Variants in CTNNA1 observed in about 807,000 individuals in gnomAD.
CTNNA1 encodes catenin alpha-1.
In CTNNA1, 37 loss-of-function variants were observed where a neutral mutation model predicts 98.4. That is an observed-to-expected ratio of 0.38 (90% confidence interval 0.29 to 0.49). The LOEUF (loss-of-function observed/expected upper bound fraction) is 0.49, where lower values mean the gene tolerates loss of function less well. CTNNA1 is among the 20% of genes least tolerant of loss of function. CTNNA1 has a pLI of 0.95. For missense variants in CTNNA1, 761 were observed against 1,147.2 expected, an observed-to-expected ratio of 0.66 and a Z score of 4.86; for synonymous variants, 404 against 413.2, an observed-to-expected ratio of 0.98 and a Z score of 0.27.
chr5:138,900,015 C>T (rs1484516512), intron 9 of CTNNA1, among the ~76,000 whole-genome samples: 1 of 152,080 alleles, frequency 6.6e-6, no homozygotes. Context: ...AACACCTTTC[C>T]CTGGAAATTG....
chr5:138,762,496 T>TA (rs397882169), intron 1 of CTNNA1, among the ~76,000 whole-genome samples: 1 of 151,992 alleles, frequency 6.6e-6, no homozygotes, highest in African/African-American at 2.4e-5. Context: ...AGTTTTTTTT[T>TA]ATAACTATCA....
chr5:138,795,424 C>CAA (rs1350824890), intron 3 of CTNNA1, among the ~76,000 whole-genome samples: 51 of 151,892 alleles, frequency 3.4e-4, no homozygotes, highest in African/African-American at 1.2e-3. Context: ...TGCCACGGCA[C>CAA]TCCAGCCTGG....
chr5:138,850,283 C>G (rs1231716937), intron 7 of CTNNA1, among the ~76,000 whole-genome samples: 1 of 148,668 alleles, frequency 6.7e-6, no homozygotes, highest in African/African-American at 2.6e-5. Flanking sequence ...CTGGATGCCT[C>G]TATTTCTATT....
chr5:138,870,150 CA>C (rs1422902413), intron 7 of CTNNA1: 2 of 152,128 alleles, frequency 1.3e-5, no homozygotes, highest in Non-Finnish European at 2.9e-5. Context: ...AAAACCCCAT[CA>C]AAAAACAAAA....
intron 7 of CTNNA1, among the ~76,000 whole-genome samples, chr5:138,848,549 C>T (rs1762926895): frequency 2.0e-5 from 3 of 152,106 alleles, no homozygotes; most frequent in Non-Finnish European, 2.9e-5. Context: ...GGAGAATTTT[C>T]CCTTTTACAT....
At chr5:138,820,867 G>C (rs76403295) in intron 5 of CTNNA1, among the ~76,000 whole-genome samples, 1 of 152,030 alleles carries the variant, frequency 6.6e-6, no homozygotes, top group African/African-American at 2.4e-5. Context: ...ATAACTGGTC[G>C]CATATTAATT....
intron 7 of CTNNA1, among the ~76,000 whole-genome samples, chr5:138,855,747 C>T (rs1763673623): frequency 6.6e-6 from 1 of 152,140 alleles, no homozygotes; most frequent in South Asian, 2.1e-4. Flanking sequence ...TTGGTAGGTA[C>T]TTTCCATTTG....
At chr5:138,872,843 G>A in intron 7 of CTNNA1, 1 of 509,542 alleles carries the variant, frequency 2.0e-6, no homozygotes, top group South Asian at 3.8e-5. Flanking sequence ...TTAAAATATG[G>A]TTTCATTTAA....
chr5:138,777,223 C>T (rs1466228509), intron 1 of CTNNA1, among the ~76,000 whole-genome samples: 15 of 143,992 alleles, frequency 1.0e-4, no homozygotes, highest in South Asian at 9.0e-4. Flanking sequence ...CCAGACGGGG[C>T]GGCGGGGCAG....
At chr5:138,801,974 T>C (rs1757625495) in intron 3 of CTNNA1, among the ~76,000 whole-genome samples, 1 of 152,208 alleles carries the variant, frequency 6.6e-6, no homozygotes, top group Non-Finnish European at 1.5e-5. Context: ...TCCAAGAGAA[T>C]GTGTGATGTC....
intron 1 of CTNNA1, among the ~76,000 whole-genome samples, chr5:138,768,908 C>G (rs556152076): frequency 1.3e-5 from 2 of 152,156 alleles, no homozygotes; most frequent in East Asian, 3.9e-4. Context: ...CTAGCAATTT[C>G]CAATTCATCT....
In CTNNA1 at chr5:138,932,569, T is replaced by C. The variant is rs1765601844; in HGVS notation, c.2299-9T>C. On this transcript the variant is annotated splice_polypyrimidine_tract_variant and intron_variant, in intron 16 of 17. Transcript: ENST00000302763. ...AGGATACTTGGTGTTAAGCCTGCTC[T>C]CTCTTCAGTGCCCCGACTCGGCTTG... The C allele has an allele frequency of 6.2e-7, 1 of 1,613,884 alleles. No individual in the cohort carries two copies. Among genetic ancestry groups the C allele is most frequent in the Non-Finnish European group, 8.5e-7 (1 of 1,179,940 alleles).
At chr5:138,758,843 C>T (rs559269828) in intron 1 of CTNNA1, among the ~76,000 whole-genome samples, 109 of 151,168 alleles carry the variant, frequency 7.2e-4, no homozygotes, top group South Asian at 4.2e-4. Flanking sequence ...GTTTTGCTCT[C>T]GTTGCCCGGA....
At chr5:138,879,590 GACT>G (rs1752445362) in intron 7 of CTNNA1, among the ~76,000 whole-genome samples, 1 of 152,024 alleles carries the variant, frequency 6.6e-6, no homozygotes, top group Non-Finnish European at 1.5e-5. Context: ...GAGTAGCTAG[GACT>G]ACAAGCACAT....
At chr5:138,783,068 T>G in intron 2 of CTNNA1, 109 bp from the exon 3 acceptor site, 3 of 799,254 alleles carry the variant, frequency 3.8e-6, no homozygotes. Context: ...TAATGTTCAG[T>G]GGAATCTCAT....
At chr5:138,770,037 T>C (rs1753367887) in intron 1 of CTNNA1, among the ~76,000 whole-genome samples, 1 of 151,796 alleles carries the variant, frequency 6.6e-6, no homozygotes, top group Non-Finnish European at 1.5e-5. Flanking sequence ...GGTTTCACCA[T>C]GTTGGCCAGG....
chr5:138,908,587 C>T lies in CTNNA1; in HGVS notation c.1389+4146C>T, dbSNP rs112784208. On this transcript the variant is annotated intron_variant, in intron 10 of 17. Coordinates refer to ENST00000302763, the MANE Select transcript of CTNNA1 (RefSeq NM_001903.5). ...GGCTGAAGCAGGAGGATCGCTTGAG[C>T]GCAGGAGTTCCAGGCTGCAGTGAGC... is the stretch of plus-strand genomic sequence containing the variant. 3.7e-3 allele frequency among the ~76,000 whole-genome samples: 561 copies of T among 152,164 alleles called. 5 individuals carry two copies. Among genetic ancestry groups the T allele is most frequent in the African/African-American group, 0.013 (526 of 41,522 alleles).
chr5:138,862,348 A>AT (rs1002964099), intron 7 of CTNNA1, among the ~76,000 whole-genome samples: 2 of 152,156 alleles, frequency 1.3e-5, no homozygotes, highest in Non-Finnish European at 2.9e-5. Flanking sequence ...CTTAAAGTAC[A>AT]TTTTTTTCTA....
In CTNNA1 at chr5:138,853,193, C is replaced by T. The variant is rs182037263; in HGVS notation, c.1062+25475C>T. Among the ~76,000 whole-genome samples the T allele has an allele frequency of 5.3e-5, 8 of 151,988 alleles. No individual in the cohort carries two copies. The East Asian group carries it at 9.7e-4, about 18-fold the overall frequency. Reference sequence around the variant, plus strand: ...AACTCCTGACCTGAAGTTATCCTCCCGCCTCGGCCTCCCAAAGTGCTTGGG... The same window carrying T: ...AACTCCTGACCTGAAGTTATCCTCCTGCCTCGGCCTCCCAAAGTGCTTGGG... On this transcript the variant is annotated intron_variant, in intron 7 of 17. Transcript: ENST00000302763.
Sources: allele counts gnomAD v4.1 joint callset (sites outside exome capture counted in the v4.1 genomes callset), GRCh38; gene constraint gnomAD v4.1.1; transcripts MANE v1.5; gene names NCBI Gene and HGNC (gene_info 2026-07-23, HGNC 2026-07-21).